The following STRC variants were observed in gnomAD, a reference collection of about 807,000 sequenced individuals.
The protein encoded by STRC is stereocilin.
Under a neutral mutation model 103.5 loss-of-function variants are expected in STRC, and 43 were observed. The ratio of observed to expected loss-of-function variants is 0.42; its 90% CI spans 0.33 to 0.54. The LOEUF (loss-of-function observed/expected upper bound fraction) is 0.54. Among genes scored for constraint, STRC ranks in the 20% least tolerant of loss-of-function variants. The pLI is 0.14. For synonymous variants in STRC, 186 were observed against 442.3 expected, an observed-to-expected ratio of 0.42 and a Z score of 7.27; for missense variants, 499 against 1,088.5, an observed-to-expected ratio of 0.46 and a Z score of 7.62.
At chr15:43,603,600 C>T (rs2085689995) in intron 22 of STRC, 189 bp from the exon 23 acceptor site, 1 of 714,536 alleles carries the variant, frequency 1.4e-6, no homozygotes, top group Non-Finnish European at 2.4e-6. Context: ...ATTGGAGATG[C>T]CAAGACTTTT....
At position 43,601,534 on chromosome 15, in the gene STRC, C is replaced by T. The variant is rs140729822; in HGVS notation, c.4563G>A (p.Arg1521=). 2.7e-4 allele frequency: 434 copies of T among 1,613,674 alleles called. 4 individuals carry two copies. The highest frequency in any genetic ancestry group is 1.6e-4 in the Middle Eastern group (1 of 6,080). Residue 1521 remains arginine (R), a synonymous_variant, in exon 24 of 29, where the codon CGG becomes CGA. Coordinates refer to ENST00000450892, the MANE Select transcript of STRC (RefSeq NM_153700.2). ...GKAKQLWGPP[R]GFRPEQILQL... ...GCAGGATCTGCTCAGGACGAAATCC[C>T]CGGGGGGGACCCCACAACTAGGAGA...
chr15:43,601,071 C>T (rs1595957166), intron 24 of STRC, 57 bp from the exon 25 acceptor site: 1 of 1,267,972 alleles, frequency 7.9e-7, no homozygotes, highest in East Asian at 2.7e-5. Flanking sequence ...AATTAATGGA[C>T]AGGGAAGTGA....
chr15:43,600,785 C>T (rs1244790439), intron 25 of STRC, 87 bp downstream of exon 25: 15 of 1,613,090 alleles, frequency 9.3e-6, no homozygotes, highest in Non-Finnish European at 1.3e-5. Context: ...TCCCTTCCTC[C>T]ATGGGACCAG....
In STRC at chr15:43,604,366, G is replaced by A; in HGVS notation, c.4213C>T (p.Pro1405Ser). 3.2e-6 allele frequency: 5 copies of A among 1,569,092 alleles called. No individual in the cohort carries two copies. Among genetic ancestry groups the A allele is most frequent in the Non-Finnish European group, 4.3e-6 (5 of 1,153,178 alleles). The change falls in exon 21 of 29, where the codon CCC becomes TCC. Residue 1405 changes from proline to serine, a missense_variant. Coordinates refer to ENST00000450892, the MANE Select transcript of STRC (RefSeq NM_153700.2). ...TLSTEAISLI[P>S]REALGPETLE... ...CCCTTCTTCCTTCATCTCACCCTGGGGATCAAGGAAATTGCCTCAGTAGAC... is the reference window on the plus strand; with the variant it reads ...CCCTTCTTCCTTCATCTCACCCTGGAGATCAAGGAAATTGCCTCAGTAGAC...
Position 43,601,412 on chromosome 15 carries a change from C to T in STRC, c.4685G>A (p.Gly1562Asp), listed in dbSNP as rs145567817. 95 of 1,613,478 alleles carry T rather than the reference C, an allele frequency of 5.9e-5. No homozygotes were observed. The African/African-American group carries it at 1.0e-3, about 17-fold the overall frequency. ...AAGTGTTACCTGAGTGGTGCTCCAGCCATCTATCTGCCCCAGGGTGCTCAG... is the reference window on the plus strand; with the variant it reads ...AAGTGTTACCTGAGTGGTGCTCCAGTCATCTATCTGCCCCAGGGTGCTCAG... ...GVLSTLGQID[G>D]WSTTQLRIVV... The change falls in exon 24 of 29, where the codon GGC (glycine) becomes GAC (aspartate). Residue 1562 changes from glycine (G) to aspartate (D), a missense_variant. Coordinates refer to ENST00000450892, the MANE Select transcript of STRC (RefSeq NM_153700.2).
Position 43,607,922 on chromosome 15 carries a change from T to C in STRC, c.3735A>G (p.Glu1245=). Residue 1245 remains glutamate, a synonymous_variant, in exon 18 of 29, where the codon GAA becomes GAG. Transcript: ENST00000450892. ...LQRRMAMPEP[E]WTTVGPELNG... The stretch of plus-strand genomic sequence containing the variant: ...TCAGTTCTGGCCCTACAGTTGTCCA[T>C]TCTGGTTCTGGCATTGCCATCCTCC... The C allele has an allele frequency of 6.2e-7, 1 of 1,607,282 alleles. No homozygotes were observed. The highest frequency in any genetic ancestry group is 8.5e-7 in the Non-Finnish European group (1 of 1,178,764).
At position 43,601,011 on chromosome 15, in the gene STRC, G is replaced by A. The variant is rs754832887; in HGVS notation, c.4705C>T (p.Arg1569Cys). The A allele has an allele frequency of 2.0e-5, 20 of 1,024,770 alleles. No homozygotes were observed. Among genetic ancestry groups the A allele is most frequent in the African/African-American group, 5.2e-5 (3 of 57,546 alleles). The allele number at this position is 1,024,770 out of a possible 1,614,324, so 63.5% of individuals were successfully genotyped here. Residue 1569 changes from arginine (R) to cysteine (C), a missense_variant, in exon 25 of 29, where the codon CGC becomes TGC. By Grantham distance (180) the Arg-to-Cys change is radical (BLOSUM62 -3). Transcript: ENST00000450892. The stretch of plus-strand genomic sequence containing the variant: ...CGTAGGAAACTGGAGACCACAATGC[G>A]GAGCTGGGGTGGGGGGTGGGAGAAG... ...QIDGWSTTQL[R>C]IVVSSFLRQS...
intron 21 of STRC, 33 bp from the exon 22 acceptor site, chr15:43,604,185 T>C (rs780346749): frequency 5.0e-6 from 8 of 1,607,408 alleles, no homozygotes; most frequent in Admixed American, 3.4e-5. Context: ...AGTGGGGAGA[T>C]CTGGACAGAT....
Sources: allele counts gnomAD v4.1 joint callset, GRCh38; gene constraint gnomAD v4.1.1; transcripts MANE v1.5; gene names NCBI Gene and HGNC (gene_info 2026-07-23, HGNC 2026-07-21).